PNOC: variants seen among roughly 807,000 people sequenced by gnomAD.
The protein encoded by PNOC is prepronociceptin, also known as nociceptin.
Under a neutral mutation model 15.6 loss-of-function variants are expected in PNOC, and 10 were observed. That is an observed-to-expected ratio of 0.64 (90% CI 0.40 to 1.09). PNOC has a LOEUF of 1.09. PNOC is among the 50% of genes least tolerant of loss of function. The pLI, the probability that PNOC is intolerant of heterozygous loss-of-function variation, is 0.01. For synonymous variants in PNOC, 98 were observed against 88.5 expected, an observed-to-expected ratio of 1.11 and a Z score of -0.60; for missense variants, 220 against 223.9, an observed-to-expected ratio of 0.98 and a Z score of 0.11.
chr8:28,322,478 A>G (rs1410386253), intron 1 of PNOC, among the ~76,000 whole-genome samples: 2 of 152,236 alleles, frequency 1.3e-5, no homozygotes, highest in East Asian at 3.8e-4. Context: ...CCCTACATGA[A>G]GACAGCTGCT....
At chr8:28,329,345 C>T in intron 2 of PNOC, 62 bp downstream of exon 2, 4 of 1,591,450 alleles carry the variant, frequency 2.5e-6, no homozygotes, top group Non-Finnish European at 3.4e-6. Flanking sequence ...TCCCTCCCTA[C>T]TCCAGAGCAG....
intron 2 of PNOC, among the ~76,000 whole-genome samples, chr8:28,335,228 C>A (rs371701932): frequency 4.6e-5 from 7 of 152,336 alleles, no homozygotes; most frequent in Admixed American, 2.0e-4. Context: ...CTTCTTCTTG[C>A]ATTAATTGCC....
chr8:28,340,535 G>A lies in PNOC; in HGVS notation c.*47+1044G>A, dbSNP rs1196879351. Among the ~76,000 whole-genome samples the A allele has an allele frequency of 3.3e-5, 5 of 152,134 alleles. No homozygotes were observed. In the East Asian group the frequency reaches 5.8e-4, roughly 18 times the overall value. ...GCTATGTGCCTTAATTTGTATATGG[G>A]AATATGATCATCTGCAGAGTCCCAT... On this transcript the variant is annotated intron_variant, in intron 3 of 3. Coordinates refer to ENST00000301908, the MANE Select transcript of PNOC (RefSeq NM_006228.5).
chr8:28,322,359 T>C (rs57939641), intron 1 of PNOC, among the ~76,000 whole-genome samples: 1 of 152,146 alleles, frequency 6.6e-6, no homozygotes, highest in African/African-American at 2.4e-5. Context: ...GCCACTGAAC[T>C]CCAGCCTGGG....
chr8:28,326,578 T>A (rs1361411795), intron 1 of PNOC, among the ~76,000 whole-genome samples: 1 of 148,890 alleles, frequency 6.7e-6, no homozygotes, highest in African/African-American at 2.4e-5. Context: ...TTACAAAAAA[T>A]TAGCGGGACC....
In PNOC at chr8:28,322,172, C is replaced by A. The variant is rs139512170; in HGVS notation, c.-24+4856C>A. The stretch of plus-strand genomic sequence containing the variant: ...GGGAGGCTGAGGCGGGAGGATCATT[C>A]GAGGTCAGGAGTTTGAGACCAGACT... On this transcript the variant is annotated intron_variant, in intron 1 of 3. Coordinates refer to ENST00000301908, the MANE Select transcript of PNOC (RefSeq NM_006228.5). Among the ~76,000 whole-genome samples, 831 of 151,620 alleles carry A rather than the reference C, an allele frequency of 5.5e-3. 11 individuals are homozygous for A. The highest frequency in any genetic ancestry group is 0.02 in the African/African-American group (810 of 41,318).
In PNOC at chr8:28,330,401, T is replaced by TA. The variant is rs1209612436; in HGVS notation, c.126+1118_126+1119insA. On this transcript the variant is annotated intron_variant, in intron 2 of 3. Transcript: ENST00000301908. ...ATTTTATTTTATTTTATTTTATTTTTTTTTTTTTTTTGAGACGGAGTCTTG... is the reference window on the plus strand; with the variant it reads ...ATTTTATTTTATTTTATTTTATTTTTATTTTTTTTTTTGAGACGGAGTCTTG... 2.6e-4 allele frequency among the ~76,000 whole-genome samples: 11 copies of TA among 41,676 alleles called. 1 individual carries two copies. The highest frequency in any genetic ancestry group is 7.8e-4 in the Non-Finnish European group (11 of 14,132). 27.3% of individuals were successfully genotyped at this position (41,676 alleles called of 152,430 possible).
chr8:28,338,748 C>G, intron 2 of PNOC: 1 of 1,125,100 alleles, frequency 8.9e-7, no homozygotes, highest in Admixed American at 4.5e-5. Flanking sequence ...GCGCATTTAT[C>G]CTGTGTTAAC....
At chr8:28,331,422 C>T (rs763401190) in intron 2 of PNOC, among the ~76,000 whole-genome samples, 4 of 152,082 alleles carry the variant, frequency 2.6e-5, no homozygotes, top group Non-Finnish European at 5.9e-5. Flanking sequence ...TGTGTTGGTT[C>T]CTTGTCCTCT....
At chr8:28,337,255 C>T (rs1444918230) in intron 2 of PNOC, among the ~76,000 whole-genome samples, 1 of 152,202 alleles carries the variant, frequency 6.6e-6, no homozygotes, top group Non-Finnish European at 1.5e-5. Context: ...ATGTTCTTCC[C>T]ACTTAAGTCA....
intron 2 of PNOC, among the ~76,000 whole-genome samples, chr8:28,333,035 C>T (rs767443983): frequency 2.0e-5 from 3 of 152,210 alleles, no homozygotes; most frequent in Non-Finnish European, 4.4e-5. Flanking sequence ...GATGAAAATT[C>T]TAATGAGGTG....
Position 28,329,287 on chromosome 8 carries a change from G to A in PNOC, c.126+4G>A. 2 of 1,612,840 alleles carry A rather than the reference G, an allele frequency of 1.2e-6. No individual in the cohort carries two copies. The highest frequency in any genetic ancestry group is 2.2e-5 in the South Asian group (2 of 91,090). On this transcript the variant is annotated splice_donor_region_variant and intron_variant, in intron 2 of 3. Coordinates refer to ENST00000301908, the MANE Select transcript of PNOC (RefSeq NM_006228.5). ...CCTGGACAGCTTCGACCTGGAGGTA[G>A]GTCTCCAAGGCAAGGCAGAGAGGCT...
At chr8:28,331,918 G>A (rs1429372543) in intron 2 of PNOC, among the ~76,000 whole-genome samples, 1 of 152,154 alleles carries the variant, frequency 6.6e-6, no homozygotes, top group East Asian at 1.9e-4. Flanking sequence ...CCCATCCCGT[G>A]GAAATTGGAA....
intron 2 of PNOC, among the ~76,000 whole-genome samples, chr8:28,331,518 G>C (rs1801329219): frequency 6.6e-6 from 1 of 151,968 alleles, no homozygotes; most frequent in South Asian, 2.1e-4. Context: ...CAGGCCTTCT[G>C]CTCCTCCCAG....
intron 1 of PNOC, among the ~76,000 whole-genome samples, chr8:28,322,345 T>A (rs775168675): frequency 6.6e-6 from 1 of 152,104 alleles, no homozygotes; most frequent in Non-Finnish European, 1.5e-5. Context: ...TAAGCCAAGA[T>A]AGCGCCACTG....
chr8:28,335,917 AG>A (rs35848255), intron 2 of PNOC, among the ~76,000 whole-genome samples: 48,028 of 150,750 alleles, frequency 0.32, 9,465 homozygotes, highest in Non-Finnish European at 0.45. Flanking sequence ...CTGTCTCCAA[AG>A]GAAAAAAAAA....
At chr8:28,329,640 T>C (rs374591002) in intron 2 of PNOC, among the ~76,000 whole-genome samples, 1 of 152,244 alleles carries the variant, frequency 6.6e-6, no homozygotes, top group Non-Finnish European at 1.5e-5. Context: ...TCCTACTTTT[T>C]TTCACTTACT....
At position 28,318,136 on chromosome 8, in the gene PNOC, C is replaced by T. The variant is rs541808051; in HGVS notation, c.-24+820C>T. On this transcript the variant is annotated intron_variant, in intron 1 of 3. Transcript: ENST00000301908. ...ATCCCAACTCTCGAGGCTCTCTCAG[C>T]CACCTTCTTTCTTCCTCCTCTCTTT... Among the ~76,000 whole-genome samples, 7 of 152,256 alleles carry T rather than the reference C, an allele frequency of 4.6e-5. No homozygotes were observed. The East Asian group carries it at 9.7e-4, about 21-fold the overall frequency.
At chr8:28,318,074 C>T (rs1201098140) in intron 1 of PNOC, among the ~76,000 whole-genome samples, 1 of 152,086 alleles carries the variant, frequency 6.6e-6, no homozygotes, top group African/African-American at 2.4e-5. Context: ...AAGGTCTTTG[C>T]CCAGGTCATG....
Sources: allele counts gnomAD v4.1 joint callset (sites outside exome capture counted in the v4.1 genomes callset), GRCh38; gene constraint gnomAD v4.1.1; transcripts MANE v1.5; gene names NCBI Gene and HGNC (gene_info 2026-07-23, HGNC 2026-07-21).